The following DSCAM variants were observed in gnomAD, a reference collection of about 807,000 sequenced individuals.
DSCAM encodes DS cell adhesion molecule.
DSCAM carries 47 observed loss-of-function variants against 217.7 expected under a neutral mutation model. That is an observed-to-expected ratio of 0.22 (90% CI 0.17 to 0.28). The LOEUF (loss-of-function observed/expected upper bound fraction) is 0.28. DSCAM is among the 10% of genes least tolerant of loss of function. The probability of loss-of-function intolerance (pLI) is 1.00; values close to 1 mark genes in which losing one functional copy is unlikely to be tolerated. For synonymous variants in DSCAM, 1,056 were observed against 1,015.3 expected, an observed-to-expected ratio of 1.04 and a Z score of -0.76; for missense variants, 2,080 against 2,618.3, an observed-to-expected ratio of 0.79 and a Z score of 4.49.
intron 3 of DSCAM, among the ~76,000 whole-genome samples, chr21:40,496,579 A>T (rs775788901): frequency 6.6e-6 from 1 of 152,156 alleles, no homozygotes; most frequent in Non-Finnish European, 1.5e-5. Flanking sequence ...GAAAGGCTCC[A>T]TAATATTGAT....
At chr21:40,456,436 A>AT (rs2145939520) in intron 3 of DSCAM, among the ~76,000 whole-genome samples, 1 of 152,292 alleles carries the variant, frequency 6.6e-6, no homozygotes, top group South Asian at 2.1e-4. Context: ...CCCAGGCAGA[A>AT]TAACATTTAA....
intron 3 of DSCAM, among the ~76,000 whole-genome samples, chr21:40,508,738 TATATATATATATATATATATA>T (rs2076229130): frequency 5.8e-5 from 1 of 17,286 alleles, no homozygotes. Flanking sequence ...CCGGCAAATA[TATATATATATATATATATATA>T]TATATATATA....
At chr21:40,492,230 G>A (rs1282018199) in intron 3 of DSCAM, among the ~76,000 whole-genome samples, 2 of 152,080 alleles carry the variant, frequency 1.3e-5, no homozygotes, top group Non-Finnish European at 2.9e-5. Context: ...AGATAATGAG[G>A]ATAAGTTCCA....
rs139170876 is a variant in DSCAM, at chr21:40,549,458, C to G, written c.508+143352G>C. ...CTACTTGCGCTTAGGAAGAGAACAG[C>G]TGAGAACGGTAAGCAGTGGTCCTTA... On this transcript the variant is annotated intron_variant, in intron 3 of 32. Transcript: ENST00000400454. Among the ~76,000 whole-genome samples the G allele has an allele frequency of 5.1e-3, 776 of 152,246 alleles. 6 individuals carry two copies. The highest frequency in any genetic ancestry group is 9.0e-3 in the Non-Finnish European group (611 of 68,012).
chr21:40,692,651 A>G (rs555687884), intron 3 of DSCAM, among the ~76,000 whole-genome samples, 159 bp downstream of exon 3: 1 of 152,352 alleles, frequency 6.6e-6, no homozygotes, highest in South Asian at 2.1e-4. Context: ...AAGCCAATAC[A>G]AAACACTTAT....
chr21:40,041,190 T>C (rs2088742298), intron 32 of DSCAM, among the ~76,000 whole-genome samples: 1 of 152,190 alleles, frequency 6.6e-6, no homozygotes, highest in African/African-American at 2.4e-5. Flanking sequence ...AGATACTTTT[T>C]GAAATGGAAC....
intron 3 of DSCAM, among the ~76,000 whole-genome samples, chr21:40,530,886 CAT>C (rs2076439191): frequency 1.2e-5 from 1 of 82,754 alleles, no homozygotes. Context: ...CCTGTCCATC[CAT>C]CCATCCATCC....
At chr21:40,787,192 G>T (rs1195417837) in intron 1 of DSCAM, among the ~76,000 whole-genome samples, 1 of 152,222 alleles carries the variant, frequency 6.6e-6, no homozygotes, top group Non-Finnish European at 1.5e-5. Flanking sequence ...ACCCTCAAAA[G>T]TGATGTCAAT....
chr21:40,433,068 G>C (rs1157694259), intron 3 of DSCAM, among the ~76,000 whole-genome samples: 2 of 152,042 alleles, frequency 1.3e-5, no homozygotes, highest in Non-Finnish European at 2.9e-5. Flanking sequence ...TAATATACCT[G>C]TCAAAATGAG....
chr21:40,578,503 A>G (rs866556026), intron 3 of DSCAM, among the ~76,000 whole-genome samples: 6 of 152,144 alleles, frequency 3.9e-5, no homozygotes, highest in South Asian at 2.1e-4. Context: ...TGGACCAATC[A>G]GTGCTCTGTA....
chr21:40,163,070 A>AAC (rs3069756), intron 16 of DSCAM, among the ~76,000 whole-genome samples: 15,315 of 143,142 alleles, frequency 0.11, 834 homozygotes, highest in East Asian at 0.13. Context: ...GACCATGGCA[A>AAC]ACACACACAC....
At chr21:40,767,384 C>T (rs1162539508) in intron 1 of DSCAM, among the ~76,000 whole-genome samples, 1 of 152,118 alleles carries the variant, frequency 6.6e-6, no homozygotes, top group African/African-American at 2.4e-5. Context: ...TCACTTTGGG[C>T]AAAACACACA....
chr21:40,167,120 T>C (rs887512040), intron 16 of DSCAM, 98 bp downstream of exon 16: 2 of 1,075,434 alleles, frequency 1.9e-6, no homozygotes, highest in Admixed American at 2.5e-5. Flanking sequence ...ATAAAAGTTT[T>C]GTAAAATTCG....
intron 3 of DSCAM, among the ~76,000 whole-genome samples, chr21:40,479,904 G>T (rs150738510): frequency 6.6e-6 from 1 of 152,154 alleles, no homozygotes; most frequent in Admixed American, 6.5e-5. Context: ...GTGTACATGC[G>T]TATGCATGTA....
At chr21:40,653,651 C>A (rs549458301) in intron 3 of DSCAM, among the ~76,000 whole-genome samples, 10 of 152,284 alleles carry the variant, frequency 6.6e-5, no homozygotes, top group Admixed American at 4.6e-4. Context: ...CACCCAGACA[C>A]AGAGTGGAGA....
chr21:40,136,771 C>T (rs1267839366), intron 18 of DSCAM, among the ~76,000 whole-genome samples: 1 of 152,072 alleles, frequency 6.6e-6, no homozygotes, highest in African/African-American at 2.4e-5. Flanking sequence ...AGCTGTGACC[C>T]TCCGGCAAAT....
At chr21:40,436,146 C>T (rs941943840) in intron 3 of DSCAM, among the ~76,000 whole-genome samples, 2 of 152,180 alleles carry the variant, frequency 1.3e-5, no homozygotes, top group Non-Finnish European at 2.9e-5. Flanking sequence ...CAGGACATAA[C>T]CCCATCATAA....
chr21:40,031,470 A>C (rs1340040656), intron 32 of DSCAM, among the ~76,000 whole-genome samples: 2 of 152,230 alleles, frequency 1.3e-5, no homozygotes, highest in Non-Finnish European at 2.9e-5. Flanking sequence ...AAAAGGGTTA[A>C]TATCTTAAAT....
At chr21:40,697,154 C>T (rs2090604657) in intron 2 of DSCAM, among the ~76,000 whole-genome samples, 1 of 152,130 alleles carries the variant, frequency 6.6e-6, no homozygotes, top group African/African-American at 2.4e-5. Flanking sequence ...TGAGTGAAAA[C>T]ATGTAATGTG....
Sources: gnomAD v4.1 joint callset for allele counts (sites outside exome capture counted in the v4.1 genomes callset) on GRCh38, gnomAD v4.1.1 for gene constraint, MANE v1.5 for transcripts, NCBI Gene and HGNC (gene_info 2026-07-23, HGNC 2026-07-21) for gene names.